ZNF740: variants seen among roughly 807,000 people sequenced by gnomAD.
ZNF740 encodes the protein oriLyt TD-element-binding protein 7.
Under a neutral mutation model 24.8 loss-of-function variants are expected in ZNF740, and 14 were observed. That is an observed-to-expected ratio of 0.56 (90% CI 0.37 to 0.88). The LOEUF (loss-of-function observed/expected upper bound fraction) is 0.88. Among genes scored for constraint, ZNF740 ranks in the 40% least tolerant of loss-of-function variants. ZNF740 has a pLI of 0.00. For synonymous variants in ZNF740, 69 were observed against 84.0 expected, an observed-to-expected ratio of 0.82 and a Z score of 0.98; for missense variants, 201 against 247.9, an observed-to-expected ratio of 0.81 and a Z score of 1.27.
intron 1 of ZNF740, 173 bp from the exon 2 acceptor site, chr12:53,181,504 C>G: frequency 1.0e-6 from 1 of 985,326 alleles, no homozygotes; most frequent in Non-Finnish European, 1.2e-6. Flanking sequence ...GGCTTCCACT[C>G]CTTGCCCAGG....
chr12:53,193,958 A>C lies in ZNF740; in HGVS notation c.*6368A>C. 1 of 1,493,706 alleles carries C rather than the reference A, an allele frequency of 6.7e-7. No individual in the cohort carries two copies. Among genetic ancestry groups the C allele is most frequent in the Non-Finnish European group, 9.2e-7 (1 of 1,092,402 alleles). 92.5% of individuals were successfully genotyped at this position (1,493,706 alleles called of 1,614,324 possible). A position where few individuals can be genotyped will look rare whatever the true frequency, so the allele number is the denominator to read the frequency against. ...TACACATGCACACACACATACCCCAAACTCACCAATCATCCAGAACCTCAC... is the reference window on the plus strand; with the variant it reads ...TACACATGCACACACACATACCCCACACTCACCAATCATCCAGAACCTCAC... On this transcript the variant is annotated 3_prime_UTR_variant, in exon 7 of 7. Coordinates refer to ENST00000416904, the MANE Select transcript of ZNF740 (RefSeq NM_001004304.4).
chr12:53,193,664 G>A lies in ZNF740; in HGVS notation c.*6074G>A, dbSNP rs745847493. 6.5e-7 allele frequency: 1 copy of A among 1,536,804 alleles called. No individual in the cohort carries two copies. The highest frequency in any genetic ancestry group is 8.9e-7 in the Non-Finnish European group (1 of 1,128,014). On this transcript the variant is annotated 3_prime_UTR_variant, in exon 7 of 7. Coordinates refer to ENST00000416904, the MANE Select transcript of ZNF740 (RefSeq NM_001004304.4). ...GGAGGAATACGGGCCAGGGTTGGTT[G>A]GTTGTTGGGAGCCAGGTGGTTGAAG...
chr12:53,194,001 G>T lies in ZNF740; in HGVS notation c.*6411G>T. The T allele has an allele frequency of 7.4e-7, 1 of 1,343,436 alleles. No individual in the cohort carries two copies. Among genetic ancestry groups the T allele is most frequent in the Non-Finnish European group, 1.0e-6 (1 of 971,268 alleles). The allele number at this position is 1,343,436 out of a possible 1,614,324, so 83.2% of individuals were successfully genotyped here. A position where few individuals can be genotyped will look rare whatever the true frequency, so the allele number is the denominator to read the frequency against. On this transcript the variant is annotated 3_prime_UTR_variant, in exon 7 of 7. Coordinates refer to ENST00000416904, the MANE Select transcript of ZNF740 (RefSeq NM_001004304.4). ...AACCTCACCCCTTAGTAAATGAAGG[G>T]ATGGGGTCATGTTAACACCCAACTC... is the stretch of plus-strand genomic sequence containing the variant.
chr12:53,185,129 T>A, intron 3 of ZNF740, 89 bp downstream of exon 3: 1 of 1,578,048 alleles, frequency 6.3e-7, no homozygotes, highest in Non-Finnish European at 8.6e-7. Flanking sequence ...CCTTGATGCT[T>A]CCTCATAGGG....
In ZNF740 at chr12:53,185,057, C is replaced by T. The variant is rs1941796487; in HGVS notation, c.159+17C>T. 1.2e-6 allele frequency: 2 copies of T among 1,612,162 alleles called. No homozygotes were observed. The highest frequency in any genetic ancestry group is 1.7e-5 in the Admixed American group (1 of 59,974). ...TCGAGTCAGGTACAGCGCTTGAGTC[C>T]ATTGTGGCACCTGGGGATCGGGTGG... On this transcript the variant is annotated intron_variant, in intron 3 of 6. Coordinates refer to ENST00000416904, the MANE Select transcript of ZNF740 (RefSeq NM_001004304.4).
rs771753910 is a variant in ZNF740 at position 53,191,928 on chromosome 12, C to A, written c.*4338C>A. 2 of 1,611,134 alleles carry A rather than the reference C, an allele frequency of 1.2e-6. No homozygotes were observed. Among genetic ancestry groups the A allele is most frequent in the Admixed American group, 1.7e-5 (1 of 60,014 alleles). Reference sequence around the variant, plus strand: ...ATTCCCGGCGGTCATAGATTTCCACCGAGAGCCGGTAAGCCAGGACCAGCC... The same window carrying A: ...ATTCCCGGCGGTCATAGATTTCCACAGAGAGCCGGTAAGCCAGGACCAGCC... On this transcript the variant is annotated 3_prime_UTR_variant, in exon 7 of 7. Transcript: ENST00000416904.
chr12:53,188,113 G>A lies in ZNF740; in HGVS notation c.*523G>A, dbSNP rs1941859247. 1 of 160,824 alleles carries A rather than the reference G, an allele frequency of 6.2e-6. No homozygotes were observed. The highest frequency in any genetic ancestry group is 1.4e-5 in the Non-Finnish European group (1 of 72,314). The allele number at this position is 160,824 out of a possible 1,614,324, so 10.0% of individuals were successfully genotyped here. On this transcript the variant is annotated 3_prime_UTR_variant, in exon 7 of 7. Coordinates refer to ENST00000416904, the MANE Select transcript of ZNF740 (RefSeq NM_001004304.4). ...GGTTTTTAGTTGCAGTAGCTCCTCA[G>A]TGTTTCACAATCCTGCACTTCGCCT...
chr12:53,192,728 G>T lies in ZNF740; in HGVS notation c.*5138G>T. Reference sequence around the variant, plus strand: ...CATGGTGTCTTGCAGCCTGGGCATTGGTCGCATAGAGCACCATAGTAGCCG... The same window carrying T: ...CATGGTGTCTTGCAGCCTGGGCATTTGTCGCATAGAGCACCATAGTAGCCG... On this transcript the variant is annotated 3_prime_UTR_variant, in exon 7 of 7. Coordinates refer to ENST00000416904, the MANE Select transcript of ZNF740 (RefSeq NM_001004304.4). The T allele has an allele frequency of 6.2e-7, 1 of 1,614,218 alleles. No individual in the cohort carries two copies. The highest frequency in any genetic ancestry group is 1.1e-5 in the South Asian group (1 of 91,090).
chr12:53,193,098 A>G lies in ZNF740; in HGVS notation c.*5508A>G. 6.5e-7 allele frequency: 1 copy of G among 1,546,414 alleles called. No homozygotes were observed. Among genetic ancestry groups the G allele is most frequent in the Middle Eastern group, 1.8e-4 (1 of 5,686 alleles). On this transcript the variant is annotated 3_prime_UTR_variant, in exon 7 of 7. Transcript: ENST00000416904. ...TTCCCAGAGCCTAAGTGCCTTGGGA[A>G]GGCCTCTCAGACCCCGCCCTTCTCC...
At position 53,184,940 on chromosome 12, in the gene ZNF740, C is replaced by T. The variant is rs1941793702; in HGVS notation, c.59C>T (p.Thr20Ile). 2 of 1,614,012 alleles carry T rather than the reference C, an allele frequency of 1.2e-6. No homozygotes were observed. The highest frequency in any genetic ancestry group is 1.7e-6 in the Non-Finnish European group (2 of 1,179,896). ...CTAGCAGGTGTGAGTTTGGTTCCCACTGCAGCCAGCAAGAAGATGATGCTG... is the reference window on the plus strand; with the variant it reads ...CTAGCAGGTGTGAGTTTGGTTCCCATTGCAGCCAGCAAGAAGATGATGCTG... ...EGLAGVSLVPTAASKKMMLSQ... is the reference protein window; with the variant it reads ...EGLAGVSLVPIAASKKMMLSQ... Residue 20 changes from threonine (T) to isoleucine (I), a missense_variant, in exon 3 of 7, where the codon ACT (threonine) becomes ATT (isoleucine). Around this residue, in one of 3 missense-constraint regions of ZNF740, gnomAD observed 117 missense variants for 122.3 expected, o/e 0.96. Transcript: ENST00000416904.
intron 4 of ZNF740, 34 bp from the exon 5 acceptor site, chr12:53,185,920 G>C: frequency 1.2e-6 from 2 of 1,610,620 alleles, no homozygotes; most frequent in Non-Finnish European, 1.7e-6. Context: ...GAGGGCAGTG[G>C]TGGCCTCATG....
rs1321472584 is a variant in ZNF740 at position 53,192,488 on chromosome 12, C to T, written c.*4898C>T. On this transcript the variant is annotated 3_prime_UTR_variant, in exon 7 of 7. Coordinates refer to ENST00000416904, the MANE Select transcript of ZNF740 (RefSeq NM_001004304.4). ...ATTGGTATGGGCACAAGCTGTACTG[C>T]AGTTGGTGGCCAGTGGGCCAGTCCT... 2 of 1,614,088 alleles carry T rather than the reference C, an allele frequency of 1.2e-6. No individual in the cohort carries two copies. Among genetic ancestry groups the T allele is most frequent in the Non-Finnish European group, 8.5e-7 (1 of 1,180,052 alleles).
chr12:53,184,146 TGTGTGCGCGC>T (rs1178155465), intron 2 of ZNF740, among the ~76,000 whole-genome samples: 15 of 103,200 alleles, frequency 1.5e-4, no homozygotes, highest in African/African-American at 5.6e-4. Context: ...TGTGTGTGTG[TGTGTGCGCGC>T]GCGCGCTCTG....
Position 53,180,809 on chromosome 12 carries a change from G to A in ZNF740, c.-336G>A, listed in dbSNP as rs1941552133. On this transcript the variant is annotated 5_prime_UTR_variant, in exon 1 of 7. Transcript: ENST00000416904. The stretch of plus-strand genomic sequence containing the variant: ...GCCTGGAGGAGGCGCCGCGCGGCCA[G>A]GGAGCCAGCGGGAGGCCGCGCCTGG... 1 of 1,272,086 alleles carries A rather than the reference G, an allele frequency of 7.9e-7. No individual in the cohort carries two copies. The highest frequency in any genetic ancestry group is 1.6e-5 in the African/African-American group (1 of 63,438). 78.8% of individuals were successfully genotyped at this position (1,272,086 alleles called of 1,614,324 possible). A position where few individuals can be genotyped will look rare whatever the true frequency, so the allele number is the denominator to read the frequency against.
In ZNF740 at chr12:53,191,602, G is replaced by A. The variant is rs759773377; in HGVS notation, c.*4012G>A. On this transcript the variant is annotated 3_prime_UTR_variant, in exon 7 of 7. Coordinates refer to ENST00000416904, the MANE Select transcript of ZNF740 (RefSeq NM_001004304.4). ...CTCTTGAAAGCGAGGATTGATGGTG[G>A]TCGTGATGGCACTTTTGTAGAGAGG... 10 of 1,613,936 alleles carry A rather than the reference G, an allele frequency of 6.2e-6. No homozygotes were observed. In the Admixed American group the frequency reaches 1.2e-4, roughly 19 times the overall value.
Position 53,192,575 on chromosome 12 carries a change from G to C in ZNF740, c.*4985G>C, listed in dbSNP as rs748711977. ...ATGCCAATAGGTTACCAGCTGGGCA[G>C]TTGTCACCCAATGCCCCTTGCCCAA... On this transcript the variant is annotated 3_prime_UTR_variant, in exon 7 of 7. Coordinates refer to ENST00000416904, the MANE Select transcript of ZNF740 (RefSeq NM_001004304.4). The C allele has an allele frequency of 6.2e-7, 1 of 1,604,064 alleles. No individual in the cohort carries two copies. Among genetic ancestry groups the C allele is most frequent in the South Asian group, 1.1e-5 (1 of 90,894 alleles).
At position 53,193,378 on chromosome 12, in the gene ZNF740, C is replaced by T. The variant is rs1436740778; in HGVS notation, c.*5788C>T. ...CAGGGGCACAGCTGGAAGGGGAAGG[C>T]AAAGGAGAGAAGTAGGTCAGAGGGT... On this transcript the variant is annotated 3_prime_UTR_variant, in exon 7 of 7. Transcript: ENST00000416904. 3 of 1,546,012 alleles carry T rather than the reference C, an allele frequency of 1.9e-6. No homozygotes were observed. The highest frequency in any genetic ancestry group is 3.9e-5 in the Admixed American group (2 of 51,840).
In ZNF740 at chr12:53,192,498, C is replaced by T; in HGVS notation, c.*4908C>T. ...GCACAAGCTGTACTGCAGTTGGTGG[C>T]CAGTGGGCCAGTCCTGAAGGCCCCA... On this transcript the variant is annotated 3_prime_UTR_variant, in exon 7 of 7. Transcript: ENST00000416904. 1 of 1,614,204 alleles carries T rather than the reference C, an allele frequency of 6.2e-7. No homozygotes were observed. The highest frequency in any genetic ancestry group is 1.1e-5 in the South Asian group (1 of 91,090).
rs779150440 is a variant in ZNF740 at position 53,181,958 on chromosome 12, TGG to T, written c.-24_-23del. ...GTGGACCTAGGAACTCCTGAACTTT[TGG>T]GTTGCCTTAAGTGAGAAATCAGCAT... On this transcript the variant is annotated 5_prime_UTR_variant, in exon 2 of 7. Transcript: ENST00000416904. 14 of 1,604,630 alleles carry T rather than the reference TGG, an allele frequency of 8.7e-6. No homozygotes were observed. In the Admixed American group the frequency reaches 2.4e-4, roughly 27 times the overall value.
Sources: allele counts gnomAD v4.1 joint callset (sites outside exome capture counted in the v4.1 genomes callset), GRCh38; gene constraint gnomAD v4.1.1; regional missense constraint gnomAD v4.1.1; transcripts MANE v1.5; gene names NCBI Gene and HGNC (gene_info 2026-07-23, HGNC 2026-07-21).